FAR2: variants seen among roughly 807,000 people sequenced by gnomAD.
The protein encoded by FAR2 is epididymis secretory protein Li 81.
Under a neutral mutation model 56.0 loss-of-function variants are expected in FAR2, and 19 were observed. The observed-to-expected ratio is 0.34, with a 90% confidence interval of 0.24 to 0.50. The LOEUF (loss-of-function observed/expected upper bound fraction) is 0.50, where lower values mean the gene tolerates loss of function less well. Among genes scored for constraint, FAR2 ranks in the 20% least tolerant of loss-of-function variants. The probability of loss-of-function intolerance (pLI) is 0.98; values close to 1 mark genes in which losing one functional copy is unlikely to be tolerated. For missense variants in FAR2, 508 were observed against 642.2 expected, an observed-to-expected ratio of 0.79 and a Z score of 2.26; for synonymous variants, 219 against 218.8, an observed-to-expected ratio of 1.00 and a Z score of -0.01.
At chr12:29,213,116 A>C (rs1947571868) in intron 1 of FAR2, among the ~76,000 whole-genome samples, 1 of 152,002 alleles carries the variant, frequency 6.6e-6, no homozygotes, top group African/African-American at 2.4e-5. Flanking sequence ...ATCCCTACAG[A>C]ATATCTCTGC....
chr12:29,271,447 G>T (rs192736050), intron 2 of FAR2, among the ~76,000 whole-genome samples: 2 of 152,300 alleles, frequency 1.3e-5, no homozygotes, highest in African/African-American at 4.8e-5. Flanking sequence ...ATGAGAAAAT[G>T]TACATATGTT....
At chr12:29,204,348 C>T (rs768241077) in intron 1 of FAR2, among the ~76,000 whole-genome samples, 2 of 151,890 alleles carry the variant, frequency 1.3e-5, no homozygotes, top group African/African-American at 2.4e-5. Flanking sequence ...TCAAGAGGTA[C>T]ATATAAAATG....
chr12:29,309,099 G>A, intron 5 of FAR2, 87 bp from the exon 6 acceptor site: 1 of 934,266 alleles, frequency 1.1e-6, no homozygotes, highest in Non-Finnish European at 1.7e-6. Context: ...GCTCTTGTTT[G>A]AAATTTATTA....
chr12:29,172,213 G>C (rs1336559085), intron 1 of FAR2, among the ~76,000 whole-genome samples: 2 of 149,502 alleles, frequency 1.3e-5, no homozygotes, highest in African/African-American at 4.9e-5. Context: ...CCCACCGTCT[G>C]GGAAGTGAGA....
chr12:29,175,590 C>T (rs1422114138), intron 1 of FAR2, among the ~76,000 whole-genome samples: 1 of 152,206 alleles, frequency 6.6e-6, no homozygotes, highest in African/African-American at 2.4e-5. Context: ...CTGCCCACGT[C>T]CTGCTGATTG....
At chr12:29,274,540 A>G (rs1268229431) in intron 2 of FAR2, among the ~76,000 whole-genome samples, 4 of 151,946 alleles carry the variant, frequency 2.6e-5, no homozygotes, top group Non-Finnish European at 5.9e-5. Context: ...ATGACTTATA[A>G]TCCTTTGGGT....
At chr12:29,328,715 G>A (rs544126210) in intron 10 of FAR2, among the ~76,000 whole-genome samples, 2 of 147,688 alleles carry the variant, frequency 1.4e-5, no homozygotes, top group African/African-American at 5.0e-5. Context: ...ACACAGGAAG[G>A]GGAACATCAC....
intron 4 of FAR2, among the ~76,000 whole-genome samples, chr12:29,304,711 G>T (rs1461069560): frequency 6.6e-6 from 1 of 152,154 alleles, no homozygotes; most frequent in Non-Finnish European, 1.5e-5. Context: ...AGAAGAAATT[G>T]TGTATGTGTG....
chr12:29,241,159 G>A (rs1163025021), intron 1 of FAR2, among the ~76,000 whole-genome samples: 3 of 152,166 alleles, frequency 2.0e-5, no homozygotes, highest in Non-Finnish European at 2.9e-5. Context: ...GTGTACTAAA[G>A]AAAGATTAAG....
intron 2 of FAR2, among the ~76,000 whole-genome samples, chr12:29,272,887 C>G (rs764155438): frequency 7.2e-5 from 11 of 152,128 alleles, no homozygotes; most frequent in Admixed American, 2.0e-4. Context: ...TTTCAATGGT[C>G]AGGTTCCTCT....
At chr12:29,163,656 TC>T (rs1398624000) in intron 1 of FAR2, among the ~76,000 whole-genome samples, 1 of 152,254 alleles carries the variant, frequency 6.6e-6, no homozygotes, top group Non-Finnish European at 1.5e-5. Flanking sequence ...CAAAATCCAT[TC>T]TTAGATTTCC....
chr12:29,249,314 C>T (rs977900412), intron 1 of FAR2, among the ~76,000 whole-genome samples: 1 of 152,210 alleles, frequency 6.6e-6, no homozygotes, highest in Non-Finnish European at 1.5e-5. Context: ...GGGTCCCTGA[C>T]TTCCCGCAAC....
intron 1 of FAR2, among the ~76,000 whole-genome samples, chr12:29,169,983 T>C (rs906134344): frequency 5.9e-5 from 9 of 152,222 alleles, no homozygotes; most frequent in Admixed American, 6.5e-5. Flanking sequence ...TGTTAACTTT[T>C]TTAGCAAACT....
chr12:29,291,726 C>A (rs1382718290), intron 2 of FAR2, among the ~76,000 whole-genome samples: 1 of 152,200 alleles, frequency 6.6e-6, no homozygotes, highest in Non-Finnish European at 1.5e-5. Flanking sequence ...CTGTTGGATT[C>A]CAGTTGGCTG....
At chr12:29,203,542 G>A (rs1217367222) in intron 1 of FAR2, among the ~76,000 whole-genome samples, 1 of 152,190 alleles carries the variant, frequency 6.6e-6, no homozygotes, top group African/African-American at 2.4e-5. Flanking sequence ...TATTAGGCCT[G>A]TATGGTCATC....
At chr12:29,199,106 A>G (rs2136614507) in intron 1 of FAR2, among the ~76,000 whole-genome samples, 1 of 152,326 alleles carries the variant, frequency 6.6e-6, no homozygotes, top group African/African-American at 2.4e-5. Context: ...AAGGAAGCCA[A>G]AGGTAATAGG....
At chr12:29,230,322 C>T (rs2136650382) in intron 1 of FAR2, among the ~76,000 whole-genome samples, 1 of 151,950 alleles carries the variant, frequency 6.6e-6, no homozygotes, top group East Asian at 2.0e-4. Flanking sequence ...GTGAGGGAGG[C>T]CTCTGGGTAG....
At chr12:29,252,411 G>A (rs1948229489) in intron 1 of FAR2, among the ~76,000 whole-genome samples, 1 of 152,192 alleles carries the variant, frequency 6.6e-6, no homozygotes, top group Admixed American at 6.5e-5. Flanking sequence ...GTGGAAGAAG[G>A]TAGCTATAAA....
intron 1 of FAR2, among the ~76,000 whole-genome samples, chr12:29,178,518 C>G (rs1042718454): frequency 2.0e-5 from 3 of 152,108 alleles, no homozygotes; most frequent in African/African-American, 7.2e-5. Context: ...ATTGCTTGAG[C>G]CTGGGACGTC....
Sources: gnomAD v4.1 joint callset for allele counts (sites outside exome capture counted in the v4.1 genomes callset) on GRCh38, gnomAD v4.1.1 for gene constraint, MANE v1.5 for transcripts, NCBI Gene and HGNC (gene_info 2026-07-23, HGNC 2026-07-21) for gene names.